NKAIN3: variants seen among roughly 807,000 people sequenced by gnomAD.
The protein encoded by NKAIN3 is sodium/potassium-transporting ATPase subunit beta-1-interacting protein 3.
Under a neutral mutation model 30.2 loss-of-function variants are expected in NKAIN3, and 25 were observed. The ratio of observed to expected loss-of-function variants is 0.83; its 90% confidence interval spans 0.60 to 1.16. The LOEUF is 1.16. Ranked by LOEUF, NKAIN3 falls within the 50% of genes most tolerant of loss-of-function variation. The pLI, the probability that NKAIN3 is intolerant of heterozygous loss-of-function variation, is 0.00. For missense variants in NKAIN3, 225 were observed against 254.1 expected, an observed-to-expected ratio of 0.89 and a Z score of 0.78; for synonymous variants, 91 against 89.6, an observed-to-expected ratio of 1.02 and a Z score of -0.09.
At chr8:62,825,423 T>A (rs753412561) in intron 4 of NKAIN3, among the ~76,000 whole-genome samples, 1 of 152,194 alleles carries the variant, frequency 6.6e-6, no homozygotes, top group South Asian at 2.1e-4. Flanking sequence ...GTTTTTGTTC[T>A]CTCTAATCTT....
chr8:62,557,981 C>T (rs534585968), intron 1 of NKAIN3, among the ~76,000 whole-genome samples: 19 of 152,024 alleles, frequency 1.2e-4, no homozygotes, highest in Non-Finnish European at 2.5e-4. Flanking sequence ...AAATCCTTGC[C>T]TAAGTCAATG....
chr8:62,256,867 C>T (rs934952832), intron 1 of NKAIN3, among the ~76,000 whole-genome samples: 3 of 152,216 alleles, frequency 2.0e-5, no homozygotes, highest in African/African-American at 7.2e-5. Flanking sequence ...ATGGTTTCAA[C>T]ATTCCTTCTA....
intron 3 of NKAIN3, among the ~76,000 whole-genome samples, chr8:62,656,200 ACACTCCCTGTTTTCC>A (rs945340509): frequency 3.3e-5 from 5 of 152,098 alleles, no homozygotes; most frequent in Non-Finnish European, 7.4e-5. Flanking sequence ...TTCACTCTTC[ACACTCCCTGTTTTCC>A]CATTTACATA....
At chr8:62,878,987 T>C (rs1398799799) in intron 4 of NKAIN3, among the ~76,000 whole-genome samples, 4 of 152,232 alleles carry the variant, frequency 2.6e-5, no homozygotes, top group Non-Finnish European at 5.9e-5. Flanking sequence ...TGCATGTGTC[T>C]TTATAGCAGC....
chr8:62,839,416 A>G lies in NKAIN3; in HGVS notation c.472-79037A>G, dbSNP rs570364933. Among the ~76,000 whole-genome samples, 9 of 151,690 alleles carry G rather than the reference A, an allele frequency of 5.9e-5. No homozygotes were observed. In the South Asian group the frequency reaches 8.4e-4, roughly 14 times the overall value. On this transcript the variant is annotated intron_variant, in intron 4 of 6. Coordinates refer to ENST00000623646, the MANE Select transcript of NKAIN3 (RefSeq NM_001304533.3). ...TAAAAAGTCTCTTAAAAATTGGTAG[A>G]AAAAAAACAAAACATACCCGTATTT...
intron 1 of NKAIN3, among the ~76,000 whole-genome samples, chr8:62,408,682 AC>A: frequency 6.6e-6 from 1 of 152,286 alleles, no homozygotes; most frequent in South Asian, 2.1e-4. Flanking sequence ...GTGGCTGTTA[AC>A]TTTTGCTCTC....
intron 1 of NKAIN3, among the ~76,000 whole-genome samples, chr8:62,550,434 G>T (rs1809165945): frequency 6.6e-6 from 1 of 152,204 alleles, no homozygotes; most frequent in Non-Finnish European, 1.5e-5. Flanking sequence ...GTGGGGGAGG[G>T]AGTTGTTGTT....
chr8:62,492,118 G>A (rs1350110871), intron 1 of NKAIN3, among the ~76,000 whole-genome samples: 4 of 152,080 alleles, frequency 2.6e-5, no homozygotes, highest in Non-Finnish European at 5.9e-5. Context: ...TGGGGACATA[G>A]CAAATTGTAG....
At chr8:62,711,998 T>C (rs57900808) in intron 3 of NKAIN3, among the ~76,000 whole-genome samples, 10 of 152,134 alleles carry the variant, frequency 6.6e-5, no homozygotes, top group Non-Finnish European at 1.0e-4. Flanking sequence ...ATGCAGTGAT[T>C]GTTGTCTCTC....
intron 4 of NKAIN3, among the ~76,000 whole-genome samples, chr8:62,873,844 G>A (rs1156413577): frequency 6.6e-6 from 1 of 152,042 alleles, no homozygotes; most frequent in Non-Finnish European, 1.5e-5. Flanking sequence ...AGTGTTAACA[G>A]GGAAATTTAT....
At chr8:62,444,828 T>C (rs779175628) in intron 1 of NKAIN3, among the ~76,000 whole-genome samples, 18 of 152,198 alleles carry the variant, frequency 1.2e-4, no homozygotes, top group Admixed American at 6.5e-5. Flanking sequence ...ACCCCCACAA[T>C]GTACTAGTGT....
intron 1 of NKAIN3, among the ~76,000 whole-genome samples, chr8:62,501,800 A>T (rs1337973925): frequency 6.6e-6 from 1 of 152,182 alleles, no homozygotes; most frequent in Non-Finnish European, 1.5e-5. Flanking sequence ...AAGTATTCAA[A>T]TCAGTGCTAC....
intron 4 of NKAIN3, among the ~76,000 whole-genome samples, chr8:62,792,526 A>AT (rs1817730910): frequency 2.6e-4 from 1 of 3,858 alleles, no homozygotes; most frequent in Admixed American, 4.3e-3. Flanking sequence ...GGGTGGAGAC[A>AT]TTGAAATGGA....
intron 1 of NKAIN3, among the ~76,000 whole-genome samples, chr8:62,531,255 A>G (rs1256128900): frequency 6.6e-6 from 1 of 152,112 alleles, no homozygotes; most frequent in Non-Finnish European, 1.5e-5. Flanking sequence ...TACATCATGG[A>G]TATTTGGTGA....
intron 1 of NKAIN3, among the ~76,000 whole-genome samples, chr8:62,345,348 C>CATATACACATATATGTATATATACACAT (rs1563942244): frequency 8.3e-4 from 8 of 9,628 alleles, no homozygotes; most frequent in African/African-American, 1.5e-3. Context: ...TATATACACA[C>CATATACACATATATGTATATATACACAT]ATATACACAT....
At chr8:62,421,508 C>G (rs1804639515) in intron 1 of NKAIN3, among the ~76,000 whole-genome samples, 1 of 151,984 alleles carries the variant, frequency 6.6e-6, no homozygotes, top group Non-Finnish European at 1.5e-5. Context: ...AGGAAGTAAC[C>G]TATTTGGGGA....
chr8:62,672,549 T>A (rs1250720477), intron 3 of NKAIN3, among the ~76,000 whole-genome samples: 1 of 152,214 alleles, frequency 6.6e-6, no homozygotes, highest in African/African-American at 2.4e-5. Context: ...ATGGTTAGTT[T>A]TATATTTCAA....
chr8:62,863,918 G>T, intron 4 of NKAIN3: 2 of 1,224,512 alleles, frequency 1.6e-6, no homozygotes, highest in Non-Finnish European at 2.4e-6. Flanking sequence ...TCCTCCTTTG[G>T]CTCTGGTGGT....
chr8:62,743,099 G>C (rs1815958146), intron 3 of NKAIN3, among the ~76,000 whole-genome samples: 1 of 152,174 alleles, frequency 6.6e-6, no homozygotes, highest in Non-Finnish European at 1.5e-5. Context: ...TACAATTCAA[G>C]ATGAGATTTG....
Sources: gnomAD v4.1 joint callset for allele counts (sites outside exome capture counted in the v4.1 genomes callset) on GRCh38, gnomAD v4.1.1 for gene constraint, MANE v1.5 for transcripts, NCBI Gene and HGNC (gene_info 2026-07-23, HGNC 2026-07-21) for gene names.